UBAC2: variants seen among roughly 807,000 people sequenced by gnomAD.
UBAC2 encodes UBA domain containing 2, also known as ubiquitin-associated domain-containing protein 2.
A neutral mutation model predicts 44.0 loss-of-function variants in UBAC2; 26 were observed. The ratio of observed to expected loss-of-function variants is 0.59; its 90% CI spans 0.43 to 0.82. The LOEUF (loss-of-function observed/expected upper bound fraction) is 0.82, where lower values mean the gene tolerates loss of function less well. UBAC2 is among the 40% of genes least tolerant of loss of function. UBAC2 has a pLI of 0.00. For missense variants in UBAC2, 329 were observed against 419.4 expected, an observed-to-expected ratio of 0.78 and a Z score of 1.88; for synonymous variants, 155 against 154.3, an observed-to-expected ratio of 1.00 and a Z score of -0.04.
At chr13:99,291,213 T>C (rs2044085468) in intron 4 of UBAC2, among the ~76,000 whole-genome samples, 1 of 152,196 alleles carries the variant, frequency 6.6e-6, no homozygotes, top group African/African-American at 2.4e-5. Context: ...TGTAGAGGAC[T>C]TGGAAAGTGG....
In UBAC2 at chr13:99,215,504, G is replaced by A. The variant is rs536580347; in HGVS notation, c.31+14565G>A. On this transcript the variant is annotated intron_variant, in intron 1 of 8. Transcript: ENST00000403766. ...GCACGAATAGCAAGTTGCAAGTGAC[G>A]AGGGGTAATATACACTTTACCTTTA... The A allele has an allele frequency of 4.9e-5, 72 of 1,466,126 alleles. No individual in the cohort carries two copies. The South Asian group carries it at 7.5e-4, about 15-fold the overall frequency. 90.8% of individuals were successfully genotyped at this position (1,466,126 alleles called of 1,614,324 possible). A position where few individuals can be genotyped will look rare whatever the true frequency, so the allele number is the denominator to read the frequency against.
At chr13:99,369,139 T>C (rs1336672044) in intron 8 of UBAC2, among the ~76,000 whole-genome samples, 3 of 152,170 alleles carry the variant, frequency 2.0e-5, no homozygotes, top group African/African-American at 7.2e-5. Flanking sequence ...GTAATAAATA[T>C]ACAAAGAATG....
intron 1 of UBAC2, among the ~76,000 whole-genome samples, chr13:99,207,897 G>T (rs2042891360): frequency 6.6e-6 from 1 of 152,056 alleles, no homozygotes; most frequent in South Asian, 2.1e-4. Context: ...TCTCATGAAG[G>T]AGCAAACCGT....
chr13:99,276,627 C>G (rs1406675943), intron 4 of UBAC2, among the ~76,000 whole-genome samples: 3 of 152,136 alleles, frequency 2.0e-5, no homozygotes, highest in African/African-American at 7.2e-5. Flanking sequence ...TTATAGGGCT[C>G]CATCTCCCAC....
chr13:99,269,509 T>C (rs1466127747), intron 4 of UBAC2, among the ~76,000 whole-genome samples: 1 of 152,178 alleles, frequency 6.6e-6, no homozygotes. Context: ...TTTTGCTTTC[T>C]TATAAGCAAG....
chr13:99,252,308 A>G (rs1015763105), intron 4 of UBAC2, among the ~76,000 whole-genome samples: 1 of 152,218 alleles, frequency 6.6e-6, no homozygotes, highest in Non-Finnish European at 1.5e-5. Context: ...CTTCTAGGCT[A>G]CCCACTGGCT....
chr13:99,366,147 A>AT (rs1324620364), intron 7 of UBAC2, among the ~76,000 whole-genome samples: 1 of 151,216 alleles, frequency 6.6e-6, no homozygotes, highest in East Asian at 1.9e-4. Flanking sequence ...TGTTTCCCTA[A>AT]TTTTTTTTCA....
chr13:99,343,549 G>A (rs2044926241), intron 7 of UBAC2, among the ~76,000 whole-genome samples: 1 of 152,226 alleles, frequency 6.6e-6, no homozygotes, highest in African/African-American at 2.4e-5. Flanking sequence ...ACTTTCATAG[G>A]ATGGTCTCAC....
intron 6 of UBAC2, among the ~76,000 whole-genome samples, chr13:99,328,430 A>G (rs994446053): frequency 1.3e-5 from 2 of 152,238 alleles, no homozygotes; most frequent in African/African-American, 4.8e-5. Flanking sequence ...GTTATTTTAC[A>G]AAGTGGCTCT....
rs768225706 is a variant in UBAC2, at chr13:99,295,184, C to T, written c.390-18913C>T. On this transcript the variant is annotated intron_variant, in intron 4 of 8. Transcript: ENST00000403766. The surrounding 1 kb of genome is among the most constrained non-coding windows in gnomAD (Gnocchi z 4.1). ...TACACTGACTTGCCGTTTCAGCATC[C>T]TCATAACCTTTCTCTTATACCCTTT... is the stretch of plus-strand genomic sequence containing the variant. The T allele has an allele frequency of 1.2e-6, 2 of 1,614,140 alleles. No individual in the cohort carries two copies. The highest frequency in any genetic ancestry group is 1.7e-6 in the Non-Finnish European group (2 of 1,180,014).
At chr13:99,226,619 G>A (rs1220459912) in intron 1 of UBAC2, among the ~76,000 whole-genome samples, 1 of 152,222 alleles carries the variant, frequency 6.6e-6, no homozygotes, top group African/African-American at 2.4e-5. Context: ...CCAGAGGAAA[G>A]GTTAAAGTCC....
chr13:99,284,618 A>G (rs1461895455), intron 4 of UBAC2, among the ~76,000 whole-genome samples: 3 of 152,326 alleles, frequency 2.0e-5, no homozygotes, highest in Non-Finnish European at 4.4e-5. Context: ...CTTTATTCAC[A>G]TCTGGCAATT....
chr13:99,247,404 C>T (rs1344202901), intron 4 of UBAC2, among the ~76,000 whole-genome samples: 5 of 151,080 alleles, frequency 3.3e-5, no homozygotes, highest in East Asian at 2.0e-4. Flanking sequence ...TTAGTAGAGA[C>T]GGGGTTTCAC....
In UBAC2 at chr13:99,340,328, T is replaced by G. The variant is rs1283079775; in HGVS notation, c.570T>G (p.Gly190=). Residue 190 remains glycine (G), a synonymous_variant, in exon 7 of 9, where the codon GGT becomes GGG. Transcript: ENST00000403766. The stretch of plus-strand genomic sequence containing the variant: ...GGACGTTTTTCTTCTAGATGTCCGG[T>G]CTGTGCTACGACAGCAAAATGTTCC... ...WIVAISGLMS[G]LCYDSKMFQV... 6.2e-7 allele frequency: 1 copy of G among 1,613,964 alleles called. No individual in the cohort carries two copies. Among genetic ancestry groups the G allele is most frequent in the Admixed American group, 1.7e-5 (1 of 59,996 alleles).
At chr13:99,321,890 G>C (rs527399885) in intron 6 of UBAC2, among the ~76,000 whole-genome samples, 14 of 152,284 alleles carry the variant, frequency 9.2e-5, no homozygotes, top group African/African-American at 3.1e-4. Flanking sequence ...TTGTTATCCA[G>C]TAGAGACTCC....
intron 8 of UBAC2, among the ~76,000 whole-genome samples, chr13:99,371,948 A>T (rs1223200506): frequency 1.3e-5 from 2 of 152,220 alleles, no homozygotes; most frequent in African/African-American, 4.8e-5. Flanking sequence ...TTTTGCTGTT[A>T]TTAAGATTCA....
chr13:99,382,166 T>C (rs921290618), intron 8 of UBAC2, among the ~76,000 whole-genome samples: 1 of 152,250 alleles, frequency 6.6e-6, no homozygotes, highest in Non-Finnish European at 1.5e-5. Context: ...AGAGGTTTAC[T>C]AATCAAATTT....
At chr13:99,352,824 G>T (rs2045115396) in intron 7 of UBAC2, among the ~76,000 whole-genome samples, 1 of 152,178 alleles carries the variant, frequency 6.6e-6, no homozygotes, top group Non-Finnish European at 1.5e-5. Flanking sequence ...AGTGCAGTCA[G>T]GAAGAGTCAA....
chr13:99,340,593 T>C, intron 7 of UBAC2, 28 bp downstream of exon 7: 2 of 1,595,722 alleles, frequency 1.3e-6, no homozygotes, highest in Non-Finnish European at 8.6e-7. Flanking sequence ...CACTAAAAAT[T>C]TAGAAATTCT....
Sources: gnomAD v4.1 joint callset for allele counts (sites outside exome capture counted in the v4.1 genomes callset) on GRCh38, gnomAD v4.1.1 for gene constraint, Gnocchi (gnomAD v3.1) non-coding constraint, MANE v1.5 for transcripts, NCBI Gene and HGNC (gene_info 2026-07-23, HGNC 2026-07-21) for gene names.